Variants in GMEB2 observed in about 807,000 individuals in gnomAD.
GMEB2 encodes glucocorticoid modulatory element binding protein 2.
GMEB2 carries 7 observed loss-of-function variants against 45.7 expected under a neutral mutation model. The observed-to-expected ratio is 0.15, with a 90% CI of 0.09 to 0.29. The LOEUF (loss-of-function observed/expected upper bound fraction) is 0.29, where lower values mean the gene tolerates loss of function less well. Among genes scored for constraint, GMEB2 ranks in the 10% least tolerant of loss-of-function variants. The probability of loss-of-function intolerance (pLI) is 1.00; values close to 1 mark genes in which losing one functional copy is unlikely to be tolerated. For synonymous variants in GMEB2, 322 were observed against 323.6 expected (o/e 1.00, Z 0.05); for missense variants, 582 against 739.2 (o/e 0.79, Z 2.47).
chr20:63,594,410 C>T (rs1176858323), intron 6 of GMEB2, among the ~76,000 whole-genome samples: 1 of 152,202 alleles, frequency 6.6e-6, no homozygotes, highest in Admixed American at 6.5e-5. Context: ...TGGGCTCTAC[C>T]CAGCCCCTCT....
chr20:63,604,032 C>A (rs1239749458), intron 3 of GMEB2, among the ~76,000 whole-genome samples: 4 of 138,150 alleles, frequency 2.9e-5, no homozygotes, highest in Non-Finnish European at 6.1e-5. Context: ...CTAGCCTGGG[C>A]GACAGAGTGA....
Position 63,604,836 on chromosome 20 carries a change from C to A in GMEB2, c.136G>T (p.Asp46Tyr). The A allele has an allele frequency of 6.2e-7, 1 of 1,601,124 alleles. No homozygotes were observed. Among genetic ancestry groups the A allele is most frequent in the Non-Finnish European group, 8.6e-7 (1 of 1,168,224 alleles). ...GTCTCCATGTTATCTTCCGTCAGGT[C>A]GCCCCTGGTGAAGTGAAGGGAGGAG... ...VTTNLAPHGGDLTEDNMETEN... is the reference protein window; with the variant it reads ...VTTNLAPHGGYLTEDNMETEN... Residue 46 changes from aspartate (D) to tyrosine (Y), a missense_variant, in exon 3 of 10, where the codon GAC (aspartate) becomes TAC (tyrosine). Around this residue, in one of 3 missense-constraint regions of GMEB2, gnomAD observed 114 missense variants for 123.4 expected, o/e 0.92. Coordinates refer to ENST00000370077, the MANE Select transcript of GMEB2 (RefSeq NM_012384.5).
At chr20:63,598,767 A>G (rs1443184635) in intron 4 of GMEB2, among the ~76,000 whole-genome samples, 2 of 152,124 alleles carry the variant, frequency 1.3e-5, no homozygotes, top group Non-Finnish European at 2.9e-5. Context: ...AGAAGTCCAG[A>G]AGGTGGAATC....
intron 1 of GMEB2, 113 bp downstream of exon 1, chr20:63,626,843 C>G (rs1164359179): frequency 6.8e-6 from 1 of 147,074 alleles, no homozygotes; most frequent in Non-Finnish European, 1.5e-5. Context: ...GCCCTCCCCT[C>G]CCCCCGCCGT....
chr20:63,597,129 T>C (rs141913437), intron 5 of GMEB2, among the ~76,000 whole-genome samples: 1 of 151,798 alleles, frequency 6.6e-6, no homozygotes, highest in African/African-American at 2.4e-5. Context: ...GAATGCATAA[T>C]TGGAACAGAC....
chr20:63,597,939 G>C (rs1202611656), intron 4 of GMEB2, 79 bp from the exon 5 acceptor site: 1 of 832,512 alleles, frequency 1.2e-6, no homozygotes, highest in African/African-American at 1.7e-5. Flanking sequence ...CCGACCCTGA[G>C]TCAGGCGCGC....
Position 63,592,994 on chromosome 20 carries a change from A to G in GMEB2, c.691+17T>C. On this transcript the variant is annotated intron_variant, in intron 7 of 9. Transcript: ENST00000370077. This position sits in a 1 kb window ranked among gnomAD's most constrained non-coding sequence, Gnocchi z 8.2. ...CCGCCAGGGCTTGTGAGAAGCCCAC[A>G]AGGAGGAACCTCGTACCTCCAATGG... The G allele has an allele frequency of 1.3e-6, 2 of 1,571,698 alleles. No individual in the cohort carries two copies. The highest frequency in any genetic ancestry group is 1.7e-6 in the Non-Finnish European group (2 of 1,145,448).
At position 63,592,244 on chromosome 20, in the gene GMEB2, G is replaced by T; in HGVS notation, c.830-100C>A. The T allele has an allele frequency of 1.7e-6, 2 of 1,152,446 alleles. No homozygotes were observed. The highest frequency in any genetic ancestry group is 2.5e-6 in the Non-Finnish European group (2 of 806,978). 71.4% of individuals were successfully genotyped at this position (1,152,446 alleles called of 1,614,324 possible). A position where few individuals can be genotyped will look rare whatever the true frequency, so the allele number is the denominator to read the frequency against. On this transcript the variant is annotated intron_variant, in intron 8 of 9. Transcript: ENST00000370077. The surrounding 1 kb of genome is among the most constrained non-coding windows in gnomAD (Gnocchi z 8.2). Reference sequence around the variant, plus strand: ...CCGGGACCTTCCTAGAGAGTCACGTGGACGCTCGGTGAGAGCCTGGGCTCT... The same window carrying T: ...CCGGGACCTTCCTAGAGAGTCACGTTGACGCTCGGTGAGAGCCTGGGCTCT...
intron 2 of GMEB2, among the ~76,000 whole-genome samples, chr20:63,611,775 C>T (rs921588342): frequency 2.0e-5 from 3 of 151,982 alleles, no homozygotes; most frequent in Non-Finnish European, 4.4e-5. Context: ...CCCAGTGCTT[C>T]GGGAGGCTGA....
At chr20:63,605,616 T>TTGG in intron 2 of GMEB2, among the ~76,000 whole-genome samples, 1 of 151,586 alleles carries the variant, frequency 6.6e-6, no homozygotes, top group South Asian at 2.1e-4. Context: ...CATTTTCTGT[T>TTGG]TGGTTCATGG....
chr20:63,607,120 C>T (rs902044168), intron 2 of GMEB2, among the ~76,000 whole-genome samples: 2 of 144,894 alleles, frequency 1.4e-5, no homozygotes, highest in Admixed American at 1.4e-4. Context: ...TTTCTAGAAA[C>T]ATGCACATAT....
chr20:63,608,973 C>A (rs1172736995), intron 2 of GMEB2, among the ~76,000 whole-genome samples: 3 of 30,746 alleles, frequency 9.8e-5, no homozygotes, highest in Admixed American at 3.8e-4. Flanking sequence ...TCTGACTCAC[C>A]TCCATTTCTA....
At chr20:63,613,512 TTTTG>T (rs2089585724) in intron 2 of GMEB2, among the ~76,000 whole-genome samples, 3 of 144,276 alleles carry the variant, frequency 2.1e-5, no homozygotes, top group African/African-American at 7.5e-5. Context: ...ACTACAACAT[TTTTG>T]TTTTCTTTTT....
Position 63,603,103 on chromosome 20 carries a change from G to A in GMEB2, c.230-11C>T. ...CTTCAGCCATCTTCACTTCTCACAG[G>A]CACATTGACAGGGAAGGGTAAAAGC... On this transcript the variant is annotated splice_polypyrimidine_tract_variant and intron_variant, in intron 3 of 9. Transcript: ENST00000370077. 2 of 1,613,594 alleles carry A rather than the reference G, an allele frequency of 1.2e-6. No individual in the cohort carries two copies. The highest frequency in any genetic ancestry group is 1.7e-6 in the Non-Finnish European group (2 of 1,179,674).
chr20:63,603,685 T>C (rs899026941), intron 3 of GMEB2, among the ~76,000 whole-genome samples: 4 of 151,254 alleles, frequency 2.6e-5, no homozygotes, highest in African/African-American at 7.3e-5. Flanking sequence ...GAGGTTGCAG[T>C]GAGTCGAGAT....
chr20:63,609,374 C>T (rs2089549066), intron 2 of GMEB2, among the ~76,000 whole-genome samples: 1 of 135,090 alleles, frequency 7.4e-6, no homozygotes, highest in South Asian at 2.8e-4. Context: ...GAAACATGCC[C>T]CTCTGACCTC....
Position 63,619,717 on chromosome 20 carries a change from T to A in GMEB2, c.-57-263A>T, listed in dbSNP as rs1383790471. The A allele has an allele frequency of 5.1e-6, 1 of 196,198 alleles. No individual in the cohort carries two copies. The highest frequency in any genetic ancestry group is 1.0e-5 in the Non-Finnish European group (1 of 95,678). 12.2% of individuals were successfully genotyped at this position (196,198 alleles called of 1,614,324 possible). ...CAGAGCCACTCCCTCCACGTGGGGC[T>A]CAGAGCAGGAGGACAGGAGGGGCCT... On this transcript the variant is annotated intron_variant, in intron 1 of 9. Transcript: ENST00000370077. The surrounding 1 kb of genome is among the most constrained non-coding windows in gnomAD (Gnocchi z 4.6).
At chr20:63,612,782 A>G (rs2089580359) in intron 2 of GMEB2, among the ~76,000 whole-genome samples, 1 of 152,174 alleles carries the variant, frequency 6.6e-6, no homozygotes, top group Admixed American at 6.5e-5. Flanking sequence ...GCCTCCCTCC[A>G]GAGACCCCTG....
Position 63,588,368 on chromosome 20 carries a change from G to A in GMEB2, c.*1721C>T, listed in dbSNP as rs918448404. ...GGCAGCTGTATTAGTGACAGGTTCT[G>A]AGCTGGTGGGTGGGGGCCGCAGGGC... On this transcript the variant is annotated 3_prime_UTR_variant, in exon 10 of 10. Transcript: ENST00000370077. The A allele has an allele frequency of 6.0e-6, 1 of 167,032 alleles. No individual in the cohort carries two copies. The highest frequency in any genetic ancestry group is 1.3e-5 in the Non-Finnish European group (1 of 78,330). 10.3% of individuals were successfully genotyped at this position (167,032 alleles called of 1,614,324 possible).
Sources: allele counts gnomAD v4.1 joint callset (sites outside exome capture counted in the v4.1 genomes callset), GRCh38; gene constraint gnomAD v4.1.1; regional missense constraint gnomAD v4.1.1; non-coding constraint Gnocchi (gnomAD v3.1); transcripts MANE v1.5; gene names NCBI Gene and HGNC (gene_info 2026-07-23, HGNC 2026-07-21).